The following CPE variants were observed in gnomAD, a reference collection of about 807,000 sequenced individuals.
CPE encodes carboxypeptidase E.
In CPE, 17 loss-of-function variants were observed where a neutral mutation model predicts 53.5. That is an observed-to-expected ratio of 0.32 (90% CI 0.22 to 0.48). The LOEUF (loss-of-function observed/expected upper bound fraction) is 0.48, where lower values mean the gene tolerates loss of function less well. Ranked by LOEUF, CPE falls within the 20% of genes least tolerant of loss-of-function variation. CPE has a pLI of 0.99. For synonymous variants in CPE, 226 were observed against 228.8 expected (o/e 0.99, Z 0.11); for missense variants, 524 against 614.7 (o/e 0.85, Z 1.56).
intron 1 of CPE, among the ~76,000 whole-genome samples, chr4:165,411,069 C>T (rs1401538320): frequency 1.3e-5 from 2 of 152,126 alleles, no homozygotes; most frequent in East Asian, 1.9e-4. Flanking sequence ...TTCAAAATTA[C>T]CTAGAGGATC....
chr4:165,478,435 T>C (rs1042341635), intron 3 of CPE, among the ~76,000 whole-genome samples: 7 of 152,224 alleles, frequency 4.6e-5, no homozygotes, highest in African/African-American at 1.7e-4. Context: ...TAAGCAATTG[T>C]GTATGATGTA....
chr4:165,435,361 G>A (rs1369933416), intron 1 of CPE, among the ~76,000 whole-genome samples: 2 of 152,134 alleles, frequency 1.3e-5, no homozygotes, highest in African/African-American at 4.8e-5. Flanking sequence ...AACTGACTTT[G>A]GAAAAGAATT....
intron 1 of CPE, among the ~76,000 whole-genome samples, chr4:165,424,339 G>A (rs13147113): frequency 0.3 from 44,690 of 150,718 alleles, 6,700 homozygotes; most frequent in Middle Eastern, 0.39. Flanking sequence ...TCTATCAGAC[G>A]TTGTAGAATT....
intron 1 of CPE, among the ~76,000 whole-genome samples, chr4:165,436,336 G>A (rs562141022): frequency 2.0e-5 from 3 of 152,036 alleles, no homozygotes; most frequent in African/African-American, 4.8e-5. Flanking sequence ...CATTTTTCTA[G>A]GTGATCTCAT....
At chr4:165,490,905 A>AT (rs1321021494) in intron 6 of CPE, among the ~76,000 whole-genome samples, 1 of 152,194 alleles carries the variant, frequency 6.6e-6, no homozygotes, top group African/African-American at 2.4e-5. Flanking sequence ...GGGAGCAATC[A>AT]TTGCAGGCAC....
chr4:165,470,657 G>A (rs761371777), intron 3 of CPE, among the ~76,000 whole-genome samples: 3 of 152,130 alleles, frequency 2.0e-5, no homozygotes, highest in Non-Finnish European at 4.4e-5. Context: ...ATGGTTGCCT[G>A]ACATTCCTGG....
Position 165,379,396 on chromosome 4 carries a change from C to G in CPE, c.175C>G (p.Leu59Val). The G allele has an allele frequency of 6.2e-7, 1 of 1,609,856 alleles. No individual in the cohort carries two copies. Among genetic ancestry groups the G allele is most frequent in the Non-Finnish European group, 8.5e-7 (1 of 1,178,974 alleles). The change falls in exon 1 of 9, where the codon CTG becomes GTG. Residue 59 changes from leucine (L) to valine (V), a missense_variant. Leu to Val is a conservative substitution (Grantham distance 32, BLOSUM62 1). Transcript: ENST00000402744. This position sits in a 1 kb window ranked among gnomAD's most constrained non-coding sequence, Gnocchi z 6.0. ...ISFEYHRYPE[L>V]REALVSVWLQ... ...CTTCGAGTACCACCGCTACCCCGAG[C>G]TGCGCGAGGCGCTCGTGTCCGTGTG...
intron 1 of CPE, among the ~76,000 whole-genome samples, chr4:165,417,498 A>G (rs1731144941): frequency 6.6e-6 from 1 of 152,206 alleles, no homozygotes; most frequent in South Asian, 2.1e-4. Context: ...TAGGATTGTA[A>G]AACTACAAAC....
At chr4:165,455,032 A>G (rs1212550891) in intron 1 of CPE, among the ~76,000 whole-genome samples, 1 of 152,232 alleles carries the variant, frequency 6.6e-6, no homozygotes. Flanking sequence ...CCTTCCCCAC[A>G]TAACTATCTT....
At chr4:165,464,348 A>G (rs371782508) in intron 1 of CPE, 42 bp from the exon 2 acceptor site, 5 of 1,483,712 alleles carry the variant, frequency 3.4e-6, no homozygotes, top group African/African-American at 1.4e-5. Flanking sequence ...TTGGCTCTGT[A>G]TGTCATAGAA....
At chr4:165,451,860 T>G (rs951409297) in intron 1 of CPE, among the ~76,000 whole-genome samples, 1 of 151,996 alleles carries the variant, frequency 6.6e-6, no homozygotes, top group Non-Finnish European at 1.5e-5. Context: ...CAAGGTTAAA[T>G]ATACAATGTT....
intron 3 of CPE, among the ~76,000 whole-genome samples, chr4:165,475,784 A>G (rs1385495360): frequency 6.6e-6 from 1 of 152,102 alleles, no homozygotes; most frequent in Non-Finnish European, 1.5e-5. Flanking sequence ...TCTGAGTTCT[A>G]CTCGGTGTGA....
intron 1 of CPE, chr4:165,404,111 A>G: frequency 1.2e-6 from 1 of 861,942 alleles, no homozygotes; most frequent in Non-Finnish European, 2.0e-6. Flanking sequence ...GTCAGCTAGC[A>G]GCTGGCTTGG....
chr4:165,466,962 T>A (rs1560890772), intron 2 of CPE, among the ~76,000 whole-genome samples: 1 of 152,226 alleles, frequency 6.6e-6, no homozygotes, highest in Non-Finnish European at 1.5e-5. Context: ...TCTACAAGCT[T>A]TTTTCTATTT....
intron 6 of CPE, among the ~76,000 whole-genome samples, chr4:165,488,702 A>G (rs537854436): frequency 6.6e-6 from 1 of 152,362 alleles, no homozygotes; most frequent in South Asian, 2.1e-4. Context: ...ATATGTGTAT[A>G]TGTACATATA....
rs768013479 is a variant in CPE at position 165,497,015 on chromosome 4, C to T, written c.1333-497C>T. Among the ~76,000 whole-genome samples the T allele has an allele frequency of 1.4e-4, 21 of 152,118 alleles. 1 individual carries two copies. The highest frequency in any genetic ancestry group is 1.0e-4 in the Non-Finnish European group (7 of 68,034). ...TTGGCTCACTGCAAGCTCTGCCTCC[C>T]GGGTTCAAGAAATTCTCCTGCCTCA... On this transcript the variant is annotated intron_variant, in intron 8 of 8. Coordinates refer to ENST00000402744, the MANE Select transcript of CPE (RefSeq NM_001873.4).
chr4:165,406,676 G>A (rs980489200), intron 1 of CPE, among the ~76,000 whole-genome samples: 1 of 152,298 alleles, frequency 6.6e-6, no homozygotes, highest in East Asian at 1.9e-4. Flanking sequence ...GTGTTGTGCA[G>A]CCATCACCAC....
Position 165,484,524 on chromosome 4 carries a change from C to T in CPE, c.893C>T (p.Pro298Leu). 1 of 1,614,136 alleles carries T rather than the reference C, an allele frequency of 6.2e-7. No homozygotes were observed. The highest frequency in any genetic ancestry group is 8.5e-7 in the Non-Finnish European group (1 of 1,179,994). ...FNPAMSDPNR[P>L]PCRKNDDDSS... ...CCGGCCATGTCTGACCCCAATCGGC[C>T]ACCATGTCGCAAGAATGATGATGAC... is the stretch of plus-strand genomic sequence containing the variant. Residue 298 changes from proline (P) to leucine (L), a missense_variant, in exon 5 of 9, where the codon CCA (proline) becomes CTA (leucine). Physicochemically the swap from Pro to Leu is moderately conservative, Grantham distance 98. Transcript: ENST00000402744.
chr4:165,423,911 G>A (rs1731272341), intron 1 of CPE, among the ~76,000 whole-genome samples: 1 of 148,342 alleles, frequency 6.7e-6, no homozygotes, highest in African/African-American at 2.5e-5. Flanking sequence ...TTTTGTTCTT[G>A]CGATAGTTTA....
Sources: gnomAD v4.1 joint callset for allele counts (sites outside exome capture counted in the v4.1 genomes callset) on GRCh38, gnomAD v4.1.1 for gene constraint, Gnocchi (gnomAD v3.1) non-coding constraint, MANE v1.5 for transcripts, NCBI Gene and HGNC (gene_info 2026-07-23, HGNC 2026-07-21) for gene names.